IL20RB: variants seen among roughly 807,000 people sequenced by gnomAD.
The protein encoded by IL20RB is interleukin 20 receptor subunit beta, also known as interleukin-20 receptor subunit beta.
In IL20RB, 21 loss-of-function variants were observed where a neutral mutation model predicts 33.3. The observed-to-expected ratio is 0.63, with a 90% CI of 0.45 to 0.91. IL20RB has a LOEUF of 0.91. Among genes scored for constraint, IL20RB ranks in the 40% least tolerant of loss-of-function variants. The probability of loss-of-function intolerance (pLI) is 0.00; values close to 1 mark genes in which losing one functional copy is unlikely to be tolerated. For missense variants in IL20RB, 345 were observed against 384.8 expected (o/e 0.90, Z 0.86); for synonymous variants, 147 against 146.8 (o/e 1.00, Z -0.01).
At chr3:136,961,341 A>C (rs1158679612) in intron 1 of IL20RB, among the ~76,000 whole-genome samples, 4 of 152,192 alleles carry the variant, frequency 2.6e-5, no homozygotes. Context: ...TTTAGCCACC[A>C]GAAGTAAAGT....
At chr3:136,990,386 C>G (rs967019830) in intron 4 of IL20RB, among the ~76,000 whole-genome samples, 8 of 152,166 alleles carry the variant, frequency 5.3e-5, no homozygotes, top group African/African-American at 1.9e-4. Flanking sequence ...ACCCAGGGCC[C>G]TTGCTCCCCT....
At chr3:136,976,824 C>T (rs184282389) in intron 1 of IL20RB, among the ~76,000 whole-genome samples, 5 of 152,302 alleles carry the variant, frequency 3.3e-5, no homozygotes, top group East Asian at 1.9e-4. Context: ...AAGTGTGGGA[C>T]GCAGCATGAG....
intron 4 of IL20RB, among the ~76,000 whole-genome samples, chr3:136,991,147 C>T (rs1942023748): frequency 6.6e-6 from 1 of 152,180 alleles, no homozygotes; most frequent in African/African-American, 2.4e-5. Context: ...GGAGGTGCTG[C>T]CCGTGGCTCC....
chr3:136,982,312 C>A lies in IL20RB; in HGVS notation c.368C>A (p.Ala123Asp). Residue 123 changes from alanine (A) to aspartate (D), a missense_variant, in exon 3 of 7, where the codon GCC becomes GAC. By Grantham distance (126) the Ala-to-Asp change is moderately radical (BLOSUM62 -2). Coordinates refer to ENST00000329582, the MANE Select transcript of IL20RB (RefSeq NM_144717.4). ...GCCACATTGGGCTCACAGACCTCAG[C>A]CTGGAGCATCCTGAAGCATCCCTTT... ...VRATLGSQTS[A>D]WSILKHPFNR... 1 of 1,605,910 alleles carries A rather than the reference C, an allele frequency of 6.2e-7. No individual in the cohort carries two copies. The highest frequency in any genetic ancestry group is 1.1e-5 in the South Asian group (1 of 90,650).
intron 3 of IL20RB, among the ~76,000 whole-genome samples, chr3:136,988,375 G>A (rs144087205): frequency 4.3e-3 from 655 of 152,272 alleles, no homozygotes; most frequent in Non-Finnish European, 7.4e-3. Context: ...CTCTCTGCTG[G>A]GGACCTTGCA....
intron 1 of IL20RB, 163 bp from the exon 2 acceptor site, chr3:136,980,303 T>TTTA: frequency 3.0e-6 from 2 of 670,606 alleles, no homozygotes; most frequent in South Asian, 1.7e-5. Flanking sequence ...TTTTTTTTTT[T>TTTA]GAGACAGAGT....
At chr3:137,008,089 CCTTTCTGTGACTCA>C (rs1932980723) in intron 6 of IL20RB, among the ~76,000 whole-genome samples, 1 of 152,130 alleles carries the variant, frequency 6.6e-6, no homozygotes, top group Non-Finnish European at 1.5e-5. Flanking sequence ...GTCTCAGTTT[CCTTTCTGTGACTCA>C]CTTTATTCTT....
At chr3:136,971,656 C>T (rs1016574197) in intron 1 of IL20RB, among the ~76,000 whole-genome samples, 11 of 152,176 alleles carry the variant, frequency 7.2e-5, no homozygotes, top group African/African-American at 2.4e-4. Context: ...CTGCCAATGA[C>T]ATGATTCCTT....
rs145082448 is a variant in IL20RB, at chr3:136,979,700, C to T, written c.89-766C>T. Among the ~76,000 whole-genome samples the T allele has an allele frequency of 4.2e-3, 640 of 152,304 alleles. 2 individuals carry two copies. Among genetic ancestry groups the T allele is most frequent in the Non-Finnish European group, 7.0e-3 (476 of 68,028 alleles). Reference sequence around the variant, plus strand: ...CTTGTGTCCCAGACTGGCTCAGGGGCCTGCAGTCTTTCCGGGGTGGACTCA... The same window carrying T: ...CTTGTGTCCCAGACTGGCTCAGGGGTCTGCAGTCTTTCCGGGGTGGACTCA... On this transcript the variant is annotated intron_variant, in intron 1 of 6. Coordinates refer to ENST00000329582, the MANE Select transcript of IL20RB (RefSeq NM_144717.4).
intron 6 of IL20RB, among the ~76,000 whole-genome samples, chr3:136,998,046 A>G (rs1942165612): frequency 6.6e-6 from 1 of 151,870 alleles, no homozygotes; most frequent in Admixed American, 6.6e-5. Flanking sequence ...CTGGGATAAC[A>G]GGTGTGAGCC....
rs1476603136 is a variant in IL20RB, at chr3:137,003,609, T to A, written c.826-6504T>A. Reference sequence around the variant, plus strand: ...TAGGAATGCTTGTGAGTTTTGCACATCGATTTTGTATCCTGAGGCTTTGCT... The same window carrying A: ...TAGGAATGCTTGTGAGTTTTGCACAACGATTTTGTATCCTGAGGCTTTGCT... On this transcript the variant is annotated intron_variant, in intron 6 of 6. Transcript: ENST00000329582. 2.0e-5 allele frequency among the ~76,000 whole-genome samples: 3 copies of A among 152,212 alleles called. No homozygotes were observed. The East Asian group carries it at 5.8e-4, about 29-fold the overall frequency.
intron 5 of IL20RB, among the ~76,000 whole-genome samples, chr3:136,994,654 G>A (rs756887990): frequency 6.6e-6 from 1 of 152,146 alleles, no homozygotes; most frequent in Non-Finnish European, 1.5e-5. Flanking sequence ...ACTGAGAGAT[G>A]GGAAAATAAC....
chr3:136,992,298 C>A (rs556891400), intron 5 of IL20RB, among the ~76,000 whole-genome samples: 1 of 152,184 alleles, frequency 6.6e-6, no homozygotes, highest in Admixed American at 6.5e-5. Flanking sequence ...GGTGGGGTTA[C>A]GAGCAGCTGT....
chr3:136,971,997 T>G (rs575675323), intron 1 of IL20RB, among the ~76,000 whole-genome samples: 3 of 152,300 alleles, frequency 2.0e-5, no homozygotes, highest in African/African-American at 7.2e-5. Context: ...CATCAACGTT[T>G]GTTATTTTTT....
intron 1 of IL20RB, 65 bp downstream of exon 1, chr3:136,958,266 TA>T (rs1941097190): frequency 1.0e-6 from 1 of 964,656 alleles, no homozygotes. Flanking sequence ...AGGCAAAAAA[TA>T]CTTTCCCAGG....
At chr3:136,998,215 C>G (rs1942174148) in intron 6 of IL20RB, among the ~76,000 whole-genome samples, 1 of 123,918 alleles carries the variant, frequency 8.1e-6, no homozygotes, top group East Asian at 2.4e-4. Context: ...ACTTTAGTGA[C>G]TTTTTAGTTA....
At chr3:136,977,275 T>C (rs1250100334) in intron 1 of IL20RB, among the ~76,000 whole-genome samples, 1 of 152,208 alleles carries the variant, frequency 6.6e-6, no homozygotes, top group Non-Finnish European at 1.5e-5. Context: ...AACTTATCTA[T>C]ATTAACAAAA....
rs535892302 is a variant in IL20RB, at chr3:136,996,129, A to G, written c.825+573A>G. ...ACCCTACCTGTATTCTCAGATCCTCATGAGGTCAGAATTCTTATCTTACTC... is the reference window on the plus strand; with the variant it reads ...ACCCTACCTGTATTCTCAGATCCTCGTGAGGTCAGAATTCTTATCTTACTC... On this transcript the variant is annotated intron_variant, in intron 6 of 6. Transcript: ENST00000329582. Among the ~76,000 whole-genome samples, 181 of 152,204 alleles carry G rather than the reference A, an allele frequency of 1.2e-3. 3 individuals are homozygous for G. The highest frequency in any genetic ancestry group is 4.3e-3 in the African/African-American group (180 of 41,522).
Position 136,958,065 on chromosome 3 carries a change from G to A in IL20RB, c.-49G>A. 9.0e-7 allele frequency: 1 copy of A among 1,112,148 alleles called. No individual in the cohort carries two copies. Among genetic ancestry groups the A allele is most frequent in the Non-Finnish European group, 1.4e-6 (1 of 727,848 alleles). 68.9% of individuals were successfully genotyped at this position (1,112,148 alleles called of 1,614,324 possible). On this transcript the variant is annotated 5_prime_UTR_variant, in exon 1 of 7. It removes an upstream start codon present in the reference 5' UTR. Transcript: ENST00000329582. ...GAAAGATGGCTGAGATGGACAGAAT[G>A]CTTTATTTTGGAAAGAAACAATGTT...
Sources: gnomAD v4.1 joint callset for allele counts (sites outside exome capture counted in the v4.1 genomes callset) on GRCh38, gnomAD v4.1.1 for gene constraint, MANE v1.5 for transcripts, NCBI Gene and HGNC (gene_info 2026-07-23, HGNC 2026-07-21) for gene names.